Variants in FARS2 observed in about 807,000 individuals in gnomAD.
FARS2 encodes phenylalanine--tRNA ligase, mitochondrial.
FARS2 carries 40 observed loss-of-function variants against 46.4 expected under a neutral mutation model. The observed-to-expected ratio is 0.86, with a 90% confidence interval of 0.67 to 1.12. The LOEUF is 1.12. Ranked by LOEUF, FARS2 falls within the 50% of genes most tolerant of loss-of-function variation. FARS2 has a pLI of 0.00. For synonymous variants in FARS2, 234 were observed against 214.9 expected (o/e 1.09, Z -0.78); for missense variants, 513 against 567.9 (o/e 0.90, Z 0.98).
intron 1 of FARS2, among the ~76,000 whole-genome samples, chr6:5,309,923 G>A (rs1202782972): frequency 1.3e-5 from 2 of 152,044 alleles, no homozygotes; most frequent in Non-Finnish European, 2.9e-5. Context: ...GTAATGAGGG[G>A]CAACTTGACT....
intron 1 of FARS2, among the ~76,000 whole-genome samples, chr6:5,337,783 T>G (rs1470592063): frequency 6.6e-6 from 1 of 152,198 alleles, no homozygotes; most frequent in East Asian, 1.9e-4. Context: ...TTACTGCCTG[T>G]CTAATGTTCT....
intron 1 of FARS2, among the ~76,000 whole-genome samples, chr6:5,331,709 G>A (rs1313208900): frequency 6.6e-6 from 1 of 152,174 alleles, no homozygotes; most frequent in African/African-American, 2.4e-5. Context: ...GACAGAATGG[G>A]ACTAAAAACA....
intron 6 of FARS2, among the ~76,000 whole-genome samples, chr6:5,631,659 TCAGC>T (rs753021996): frequency 6.6e-6 from 1 of 152,246 alleles, no homozygotes; most frequent in Non-Finnish European, 1.5e-5. Flanking sequence ...GCAGCTTCAC[TCAGC>T]CAGTGGCTGG....
In FARS2 at chr6:5,282,201, A is replaced by G. The variant is rs1014931175; in HGVS notation, c.-22+20541A>G. On this transcript the variant is annotated intron_variant, in intron 1 of 6. Transcript: ENST00000274680. ...ATTTCAAGGAAAGTGTTACCTTGCC[A>G]GAGGACTTGCTCTGTATTGCTAGGG... Among the ~76,000 whole-genome samples, 6 of 152,222 alleles carry G rather than the reference A, an allele frequency of 3.9e-5. No homozygotes were observed. The East Asian group carries it at 9.6e-4, about 24-fold the overall frequency.
chr6:5,402,829 C>T (rs998738713), intron 2 of FARS2, among the ~76,000 whole-genome samples: 16 of 152,138 alleles, frequency 1.1e-4, no homozygotes, highest in Non-Finnish European at 1.8e-4. Context: ...CTCAGGCCTA[C>T]TAGGACACTT....
Position 5,609,167 on chromosome 6 carries a change from A to T in FARS2, c.1066-4002A>T, listed in dbSNP as rs1427435772. On this transcript the variant is annotated intron_variant, in intron 5 of 6. Transcript: ENST00000274680. The stretch of plus-strand genomic sequence containing the variant: ...TTGGCTGAGTTCACAAATCCGTTGT[A>T]ACCTGTAGCTTCCCTGACACTTCTC... The T allele has an allele frequency of 3.5e-6, 3 of 858,554 alleles. No individual in the cohort carries two copies. The Admixed American group carries it at 5.6e-5, about 16-fold the overall frequency. The allele number at this position is 858,554 out of a possible 1,614,324, so 53.2% of individuals were successfully genotyped here. A position where few individuals can be genotyped will look rare whatever the true frequency, so the allele number is the denominator to read the frequency against.
chr6:5,664,017 G>A (rs972278259), intron 6 of FARS2, among the ~76,000 whole-genome samples: 1 of 152,234 alleles, frequency 6.6e-6, no homozygotes, highest in Non-Finnish European at 1.5e-5. Flanking sequence ...GGCCCCCCTG[G>A]CCTCCTCAGC....
intron 1 of FARS2, among the ~76,000 whole-genome samples, chr6:5,338,210 C>T (rs6905240): frequency 0.7 from 106,163 of 152,042 alleles, 37,669 homozygotes; most frequent in East Asian, 0.82. Context: ...TGGATTTTTT[C>T]CACTAGATTC....
chr6:5,643,464 G>A (rs1776923543), intron 6 of FARS2, among the ~76,000 whole-genome samples: 1 of 152,186 alleles, frequency 6.6e-6, no homozygotes, highest in Non-Finnish European at 1.5e-5. Context: ...AATAAGCATG[G>A]AGGTCTGCTC....
chr6:5,502,449 C>T (rs1767858910), intron 4 of FARS2, among the ~76,000 whole-genome samples: 1 of 152,090 alleles, frequency 6.6e-6, no homozygotes, highest in South Asian at 2.1e-4. Context: ...ACTCTCTCCC[C>T]AAAAGCACCT....
At chr6:5,617,594 A>G (rs1775543837) in intron 6 of FARS2, among the ~76,000 whole-genome samples, 1 of 152,234 alleles carries the variant, frequency 6.6e-6, no homozygotes, top group South Asian at 2.1e-4. Context: ...ATGATTTGTA[A>G]GTAGATGTGT....
At chr6:5,561,515 C>CT (rs1239499802) in intron 5 of FARS2, among the ~76,000 whole-genome samples, 2 of 152,082 alleles carry the variant, frequency 1.3e-5, no homozygotes, top group Non-Finnish European at 2.9e-5. Context: ...CTGGAAAAGT[C>CT]TAATATTAAT....
At chr6:5,558,079 G>A (rs1200938915) in intron 5 of FARS2, among the ~76,000 whole-genome samples, 1 of 151,912 alleles carries the variant, frequency 6.6e-6, no homozygotes, top group Non-Finnish European at 1.5e-5. Context: ...TCATATTAAC[G>A]TTCTAGGGAC....
At chr6:5,621,917 T>C (rs1775795485) in intron 6 of FARS2, among the ~76,000 whole-genome samples, 2 of 152,218 alleles carry the variant, frequency 1.3e-5, no homozygotes, top group Admixed American at 6.5e-5. Flanking sequence ...CCAGTCTGTA[T>C]CCTCTACTTC....
chr6:5,728,797 T>C (rs17141194), intron 6 of FARS2, among the ~76,000 whole-genome samples: 27,068 of 152,150 alleles, frequency 0.18, 2,540 homozygotes, highest in African/African-American at 0.21. Flanking sequence ...CGATGTGAGC[T>C]GTGGATTTGG....
chr6:5,562,486 G>A (rs989833137), intron 5 of FARS2, among the ~76,000 whole-genome samples: 2 of 152,026 alleles, frequency 1.3e-5, no homozygotes, highest in South Asian at 2.1e-4. Context: ...TTGAAATGAG[G>A]CCCCAAGGAA....
At chr6:5,362,330 G>A (rs1743977552) in intron 1 of FARS2, among the ~76,000 whole-genome samples, 1 of 152,116 alleles carries the variant, frequency 6.6e-6, no homozygotes, top group Admixed American at 6.5e-5. Context: ...TTATTTTCAC[G>A]TTGAGAAATA....
intron 6 of FARS2, among the ~76,000 whole-genome samples, chr6:5,721,982 G>A (rs4960131): frequency 0.61 from 93,177 of 152,172 alleles, 30,009 homozygotes; most frequent in African/African-American, 0.79. Context: ...TATAAAAAAG[G>A]CATATCAAGG....
At chr6:5,609,570 C>G in intron 5 of FARS2, 4 of 1,276,784 alleles carry the variant, frequency 3.1e-6, no homozygotes, top group Non-Finnish European at 4.5e-6. Context: ...GAAACCACCT[C>G]CACGACCACC....
Sources: gnomAD v4.1 joint callset for allele counts (sites outside exome capture counted in the v4.1 genomes callset) on GRCh38, gnomAD v4.1.1 for gene constraint, MANE v1.5 for transcripts, NCBI Gene and HGNC (gene_info 2026-07-23, HGNC 2026-07-21) for gene names.